The following PATJ variants were observed in gnomAD, a reference collection of about 807,000 sequenced individuals.
The protein encoded by PATJ is PATJ crumbs cell polarity complex component, also known as inaD-like protein.
PATJ carries 190 observed loss-of-function variants against 224.9 expected under a neutral mutation model. The observed-to-expected ratio is 0.84, with a 90% confidence interval of 0.75 to 0.95. PATJ has a LOEUF of 0.95. Among genes scored for constraint, PATJ ranks in the 40% least tolerant of loss-of-function variants. PATJ has a pLI of 0.00. For missense variants in PATJ, 2,121 were observed against 2,270.3 expected (o/e 0.93, Z 1.34); for synonymous variants, 769 against 820.3 (o/e 0.94, Z 1.07).
chr1:62,116,468 C>T, intron 35 of PATJ, 64 bp from the exon 36 acceptor site: 1 of 1,567,308 alleles, frequency 6.4e-7, no homozygotes, highest in Non-Finnish European at 8.7e-7. Flanking sequence ...CTGTCACACA[C>T]ACACGTATTA....
In PATJ at chr1:61,767,918, G is replaced by A. The variant is rs184799413; in HGVS notation, c.385-1365G>A. Among the ~76,000 whole-genome samples, 4 of 151,610 alleles carry A rather than the reference G, an allele frequency of 2.6e-5. No individual in the cohort carries two copies. The East Asian group carries it at 7.8e-4, about 30-fold the overall frequency. Reference sequence around the variant, plus strand: ...TCTCTCCTGACCTCGTGATCCTCCCGCCTCGGCCTCTCAAAGTGCTGGGAT... The same window carrying A: ...TCTCTCCTGACCTCGTGATCCTCCCACCTCGGCCTCTCAAAGTGCTGGGAT... On this transcript the variant is annotated intron_variant, in intron 4 of 43. Coordinates refer to ENST00000642238, the MANE Select transcript of PATJ (RefSeq NM_001350145.3).
At position 61,879,441 on chromosome 1, in the gene PATJ, TA is replaced by T. The variant is rs537468116; in HGVS notation, c.2959+4080del. 3.9e-4 allele frequency among the ~76,000 whole-genome samples: 59 copies of T among 152,234 alleles called. No individual in the cohort carries two copies. The South Asian group carries it at 0.012, about 30-fold the overall frequency. ...CCTCCATCAAATAAGATAAAATATT[TA>T]AAAAGAAGAAAAGTTTGAAGCTGTG... On this transcript the variant is annotated intron_variant, in intron 21 of 43. Coordinates refer to ENST00000642238, the MANE Select transcript of PATJ (RefSeq NM_001350145.3).
chr1:61,977,240 AC>A (rs1488124788), intron 27 of PATJ, among the ~76,000 whole-genome samples: 3 of 152,080 alleles, frequency 2.0e-5, no homozygotes, highest in Non-Finnish European at 4.4e-5. Context: ...GGCGTGTGCC[AC>A]CACACCCAGC....
intron 30 of PATJ, among the ~76,000 whole-genome samples, chr1:62,046,027 C>T (rs866621415): frequency 6.6e-6 from 1 of 151,958 alleles, no homozygotes; most frequent in Admixed American, 6.6e-5. Flanking sequence ...ATGGTGAAAC[C>T]CTGTCTCTAC....
intron 17 of PATJ, among the ~76,000 whole-genome samples, chr1:61,850,511 C>T (rs1230689412): frequency 6.6e-6 from 1 of 152,206 alleles, no homozygotes; most frequent in Non-Finnish European, 1.5e-5. Flanking sequence ...CTGCTAGGTA[C>T]TGAAACATGA....
At chr1:62,126,069 C>T (rs762685171) in intron 39 of PATJ, among the ~76,000 whole-genome samples, 1 of 152,224 alleles carries the variant, frequency 6.6e-6, no homozygotes, top group Non-Finnish European at 1.5e-5. Context: ...CCACACCCAG[C>T]CTCTAAACTT....
intron 29 of PATJ, 74 bp from the exon 30 acceptor site, chr1:62,037,903 G>A: frequency 1.3e-6 from 1 of 750,940 alleles, no homozygotes; most frequent in Non-Finnish European, 2.2e-6. Flanking sequence ...TGAGAACTGA[G>A]GAAGTATTTA....
intron 27 of PATJ, among the ~76,000 whole-genome samples, chr1:61,932,918 A>G (rs1241050757): frequency 2.0e-5 from 3 of 152,166 alleles, no homozygotes; most frequent in Admixed American, 2.0e-4. Flanking sequence ...AAAAATAATA[A>G]GCATAGTAAT....
chr1:62,073,377 C>G, intron 31 of PATJ: 1 of 948,952 alleles, frequency 1.1e-6, no homozygotes, highest in South Asian at 4.9e-5. Flanking sequence ...AATCCCACCA[C>G]TTTGGGAGGC....
Position 61,822,988 on chromosome 1 carries a change from C to T in PATJ, c.1727C>T (p.Ser576Phe). ...HTLRLGVEVD[S>F]FDGHHYISSI... The stretch of plus-strand genomic sequence containing the variant: ...CTGAGGCTTGGTGTGGAAGTGGATT[C>T]CTTTGATGGGCACCATTATATTTCT... The change falls in exon 15 of 44, where the codon TCC (serine) becomes TTC (phenylalanine). Residue 576 changes from serine to phenylalanine, a missense_variant. By Grantham distance (155) the Ser-to-Phe change is radical. Coordinates refer to ENST00000642238, the MANE Select transcript of PATJ (RefSeq NM_001350145.3). The T allele has an allele frequency of 6.2e-7, 1 of 1,614,006 alleles. No individual in the cohort carries two copies. The highest frequency in any genetic ancestry group is 8.5e-7 in the Non-Finnish European group (1 of 1,179,946).
At chr1:61,924,867 C>T (rs1254377044) in intron 26 of PATJ, among the ~76,000 whole-genome samples, 1 of 152,136 alleles carries the variant, frequency 6.6e-6, no homozygotes, top group Admixed American at 6.6e-5. Flanking sequence ...ACTGGTTTTA[C>T]GTTAAAGAGC....
chr1:61,959,237 G>A (rs1180711151), intron 27 of PATJ, among the ~76,000 whole-genome samples: 20 of 151,956 alleles, frequency 1.3e-4, no homozygotes, highest in Admixed American at 1.2e-3. Flanking sequence ...AAAGAAATTA[G>A]TATGGGACCG....
intron 14 of PATJ, among the ~76,000 whole-genome samples, chr1:61,812,407 T>TGAGA (rs769833245): frequency 0.019 from 1,511 of 79,646 alleles, 42 homozygotes; most frequent in African/African-American, 0.065. Flanking sequence ...TGTGAGTGAC[T>TGAGA]GAGAGAGAGA....
At chr1:61,980,983 A>G (rs1278385302) in intron 27 of PATJ, among the ~76,000 whole-genome samples, 3 of 152,084 alleles carry the variant, frequency 2.0e-5, no homozygotes, top group Admixed American at 1.3e-4. Flanking sequence ...AAGAGAAGCA[A>G]TTGTCACAGA....
intron 20 of PATJ, among the ~76,000 whole-genome samples, chr1:61,865,787 C>T (rs1367577487): frequency 1.3e-5 from 2 of 152,012 alleles, no homozygotes; most frequent in Non-Finnish European, 2.9e-5. Flanking sequence ...TGTTGCTTCC[C>T]TCTCTGAGGT....
chr1:61,979,656 G>GAAAAA (rs3060965), intron 27 of PATJ, among the ~76,000 whole-genome samples: 2 of 137,124 alleles, frequency 1.5e-5, no homozygotes, highest in African/African-American at 2.7e-5. Context: ...CGTCTCAAAA[G>GAAAAA]AAAAAAAAAA....
intron 33 of PATJ, among the ~76,000 whole-genome samples, chr1:62,106,527 G>A (rs1445186339): frequency 2.0e-5 from 3 of 151,988 alleles, no homozygotes; most frequent in African/African-American, 4.8e-5. Context: ...GGGTGTGAGT[G>A]TGGGTAGGTG....
chr1:61,947,446 A>G (rs1254107446), intron 27 of PATJ, among the ~76,000 whole-genome samples: 1 of 151,576 alleles, frequency 6.6e-6, no homozygotes, highest in East Asian at 1.9e-4. Flanking sequence ...CCAAATCATG[A>G]GTGAACTCCC....
chr1:62,038,861 A>C, intron 30 of PATJ: 1 of 751,990 alleles, frequency 1.3e-6, no homozygotes, highest in East Asian at 2.7e-5. Flanking sequence ...ACCTTGGAGC[A>C]GCGCATAGAA....
Sources: allele counts gnomAD v4.1 joint callset (sites outside exome capture counted in the v4.1 genomes callset), GRCh38; gene constraint gnomAD v4.1.1; transcripts MANE v1.5; gene names NCBI Gene and HGNC (gene_info 2026-07-23, HGNC 2026-07-21).